The following ASIC2 variants were observed in gnomAD, a reference collection of about 807,000 sequenced individuals.
ASIC2 encodes acid sensing ion channel subunit 2.
A neutral mutation model predicts 57.3 loss-of-function variants in ASIC2; 25 were observed. That is an observed-to-expected ratio of 0.44 (90% CI 0.32 to 0.61). ASIC2 has a LOEUF of 0.61. ASIC2 is among the 20% of genes least tolerant of loss of function. The probability of loss-of-function intolerance (pLI) is 0.06; values close to 1 mark genes in which losing one functional copy is unlikely to be tolerated. For missense variants in ASIC2, 641 were observed against 738.1 expected (o/e 0.87, Z 1.52); for synonymous variants, 319 against 307.5 (o/e 1.04, Z -0.39).
intron 5 of ASIC2, 42 bp downstream of exon 5, chr17:33,025,884 G>GC: frequency 6.5e-7 from 1 of 1,539,076 alleles, no homozygotes. Context: ...TCAGTCTCAG[G>GC]CCCCCGGCCC....
At chr17:34,039,070 G>C in intron 1 of ASIC2, 1 of 1,614,094 alleles carries the variant, frequency 6.2e-7, no homozygotes, top group Non-Finnish European at 8.5e-7. Flanking sequence ...CTTGCTCATT[G>C]TCACACATCT....
intron 3 of ASIC2, among the ~76,000 whole-genome samples, chr17:33,044,423 A>G (rs920192737): frequency 6.6e-6 from 1 of 151,784 alleles, no homozygotes; most frequent in African/African-American, 2.4e-5. Flanking sequence ...CCCAGGCTGG[A>G]ATGCAATGGT....
At chr17:33,576,583 T>C (rs770599622) in intron 1 of ASIC2, among the ~76,000 whole-genome samples, 51 of 152,284 alleles carry the variant, frequency 3.3e-4, no homozygotes, top group Non-Finnish European at 5.3e-4. Context: ...CAGCGCCCAA[T>C]GTCCTCCAAT....
At chr17:33,579,155 G>A (rs1039833668) in intron 1 of ASIC2, among the ~76,000 whole-genome samples, 1 of 151,932 alleles carries the variant, frequency 6.6e-6, no homozygotes, top group Non-Finnish European at 1.5e-5. Flanking sequence ...GCATGATGGT[G>A]GGCGCCTGTA....
intron 1 of ASIC2, among the ~76,000 whole-genome samples, chr17:33,226,286 A>T (rs937232476): frequency 6.6e-6 from 1 of 152,222 alleles, no homozygotes; most frequent in Non-Finnish European, 1.5e-5. Flanking sequence ...AGAGATGCCC[A>T]ATAACATAAT....
At chr17:33,946,994 T>A (rs1371306620) in intron 1 of ASIC2, among the ~76,000 whole-genome samples, 1 of 152,102 alleles carries the variant, frequency 6.6e-6, no homozygotes, top group Non-Finnish European at 1.5e-5. Context: ...CCCACTGAGA[T>A]TATTGTTATA....
rs1907686807 is a variant in ASIC2 at position 33,673,056 on chromosome 17, G to GTCTCTTCTTT, written c.555+482921_555+482922insAAAGAAGAGA. ...TAAAGCTTGGGATGGGGGACATAAA[G>GTCTCTTCTTT]AAGAGAAGTTACTCCGTTTGAGAGA... is the stretch of plus-strand genomic sequence containing the variant. On this transcript the variant is annotated intron_variant, in intron 1 of 9. Transcript: ENST00000359872. 2.6e-5 allele frequency among the ~76,000 whole-genome samples: 4 copies of GTCTCTTCTTT among 152,206 alleles called. No individual in the cohort carries two copies. The South Asian group carries it at 8.3e-4, about 32-fold the overall frequency.
intron 1 of ASIC2, among the ~76,000 whole-genome samples, chr17:33,410,276 A>G (rs55808105): frequency 0.12 from 18,643 of 152,236 alleles, 1,249 homozygotes; most frequent in Middle Eastern, 0.14. Flanking sequence ...GCTGCTCTGA[A>G]TAAAAAATGT....
chr17:33,737,951 C>CA (rs541427932), intron 1 of ASIC2, among the ~76,000 whole-genome samples: 16 of 151,582 alleles, frequency 1.1e-4, no homozygotes, highest in East Asian at 1.9e-4. Flanking sequence ...ACTTGGTAAA[C>CA]AAAAAAATAA....
At chr17:33,667,783 G>A (rs1451896801) in intron 1 of ASIC2, among the ~76,000 whole-genome samples, 2 of 152,220 alleles carry the variant, frequency 1.3e-5, no homozygotes, top group Admixed American at 6.5e-5. Context: ...TCACTGGGCA[G>A]AAATCTAGTC....
intron 1 of ASIC2, among the ~76,000 whole-genome samples, chr17:33,383,348 TC>T (rs955668158): frequency 1.3e-5 from 2 of 152,188 alleles, no homozygotes; most frequent in African/African-American, 4.8e-5. Flanking sequence ...TGCCTTGTCT[TC>T]TTGGAAATAT....
intron 1 of ASIC2, among the ~76,000 whole-genome samples, chr17:34,028,520 A>T (rs567520614): frequency 6.6e-6 from 1 of 152,308 alleles, no homozygotes; most frequent in Non-Finnish European, 1.5e-5. Flanking sequence ...CTTGCTTCAT[A>T]CACATTCACT....
intron 1 of ASIC2, among the ~76,000 whole-genome samples, chr17:33,417,697 G>T (rs1238021204): frequency 2.0e-5 from 3 of 152,118 alleles, no homozygotes; most frequent in Admixed American, 6.5e-5. Context: ...CTCTTCCAAT[G>T]TTTCCGCCCC....
intron 1 of ASIC2, among the ~76,000 whole-genome samples, chr17:33,984,755 A>G (rs1597962404): frequency 1.3e-5 from 2 of 152,234 alleles, no homozygotes; most frequent in Non-Finnish European, 2.9e-5. Context: ...TAAGCAAGGC[A>G]TGGGCTCTTG....
At chr17:33,456,055 C>A (rs148657258) in intron 1 of ASIC2, among the ~76,000 whole-genome samples, 3 of 152,184 alleles carry the variant, frequency 2.0e-5, no homozygotes, top group Non-Finnish European at 4.4e-5. Flanking sequence ...CGGTCCAGGG[C>A]TCTCTATCCC....
intron 1 of ASIC2, among the ~76,000 whole-genome samples, chr17:33,468,605 C>T (rs985888953): frequency 6.6e-6 from 1 of 152,000 alleles, no homozygotes; most frequent in African/African-American, 2.4e-5. Flanking sequence ...TAACTCTTCA[C>T]ATATTATCTC....
chr17:33,069,898 C>T (rs1023225170), intron 3 of ASIC2, among the ~76,000 whole-genome samples: 1 of 152,114 alleles, frequency 6.6e-6, no homozygotes, highest in Non-Finnish European at 1.5e-5. Context: ...CTACTAGTCC[C>T]ATTTTTTTCT....
intron 1 of ASIC2, among the ~76,000 whole-genome samples, chr17:33,862,206 T>C (rs1307322256): frequency 6.6e-6 from 1 of 152,250 alleles, no homozygotes; most frequent in East Asian, 1.9e-4. Context: ...CCTCTGAGTT[T>C]TCCAAACATT....
chr17:33,530,426 T>C (rs1199138795), intron 1 of ASIC2, among the ~76,000 whole-genome samples: 6 of 152,270 alleles, frequency 3.9e-5, no homozygotes, highest in Non-Finnish European at 8.8e-5. Context: ...TTATGCCCCA[T>C]GGCAAGCAAG....
Sources: gnomAD v4.1 joint callset for allele counts (sites outside exome capture counted in the v4.1 genomes callset) on GRCh38, gnomAD v4.1.1 for gene constraint, MANE v1.5 for transcripts, NCBI Gene and HGNC (gene_info 2026-07-23, HGNC 2026-07-21) for gene names.